STK39: variants seen among roughly 807,000 people sequenced by gnomAD.
The protein encoded by STK39 is STE20/SPS1-related proline-alanine-rich protein kinase.
In STK39, 20 loss-of-function variants were observed where a neutral mutation model predicts 77.8. The ratio of observed to expected loss-of-function variants is 0.26; its 90% CI spans 0.18 to 0.37. STK39 has a LOEUF of 0.37. STK39 is among the 10% of genes least tolerant of loss of function. The probability of loss-of-function intolerance (pLI) is 1.00; values close to 1 mark genes in which losing one functional copy is unlikely to be tolerated. For missense variants in STK39, 479 were observed against 656.5 expected (o/e 0.73, Z 2.95); for synonymous variants, 246 against 234.1 (o/e 1.05, Z -0.47).
chr2:168,098,006 CAT>C (rs1686719724), intron 10 of STK39, among the ~76,000 whole-genome samples: 1 of 152,312 alleles, frequency 6.6e-6, no homozygotes, highest in Non-Finnish European at 1.5e-5. Context: ...CTAGAAGCCT[CAT>C]AGCAAACGAA....
intron 14 of STK39, among the ~76,000 whole-genome samples, chr2:168,060,671 T>C (rs1484877868): frequency 6.6e-6 from 1 of 152,266 alleles, no homozygotes; most frequent in African/African-American, 2.4e-5. Flanking sequence ...AGTGTTTCTA[T>C]GTCATTAGAT....
chr2:167,992,725 G>A (rs1017831349), intron 16 of STK39, among the ~76,000 whole-genome samples: 1 of 152,140 alleles, frequency 6.6e-6, no homozygotes, highest in Admixed American at 6.6e-5. Context: ...ATGGTTTAAA[G>A]TCAAAGAAAA....
At chr2:168,110,953 A>C (rs1455014199) in intron 10 of STK39, among the ~76,000 whole-genome samples, 1 of 152,088 alleles carries the variant, frequency 6.6e-6, no homozygotes, top group African/African-American at 2.4e-5. Flanking sequence ...TCTTCCAATA[A>C]ATTTTATACT....
chr2:168,193,348 T>C (rs1689387030), intron 1 of STK39, among the ~76,000 whole-genome samples: 1 of 152,036 alleles, frequency 6.6e-6, no homozygotes, highest in Non-Finnish European at 1.5e-5. Context: ...CATGATGCCA[T>C]AGTCTGAAAT....
At chr2:168,197,293 A>G (rs1387461348) in intron 1 of STK39, among the ~76,000 whole-genome samples, 2 of 152,246 alleles carry the variant, frequency 1.3e-5, no homozygotes, top group African/African-American at 4.8e-5. Context: ...CTGAAACTAA[A>G]TATGTAATCG....
intron 10 of STK39, among the ~76,000 whole-genome samples, chr2:168,089,345 A>G (rs190778308): frequency 6.6e-6 from 1 of 152,358 alleles, no homozygotes; most frequent in Admixed American, 6.5e-5. Context: ...AGAAGTATCT[A>G]AAAATTAAAA....
chr2:168,196,912 A>C (rs1389923723), intron 1 of STK39, among the ~76,000 whole-genome samples: 2 of 152,168 alleles, frequency 1.3e-5, no homozygotes, highest in African/African-American at 4.8e-5. Context: ...GTCAGCTAAG[A>C]GGCAGGTGGA....
intron 1 of STK39, among the ~76,000 whole-genome samples, chr2:168,229,821 A>C (rs942702204): frequency 2.0e-5 from 3 of 152,214 alleles, no homozygotes; most frequent in African/African-American, 7.2e-5. Context: ...TCAAGGCTAA[A>C]AAAGGATCAG....
intron 14 of STK39, among the ~76,000 whole-genome samples, chr2:168,030,450 C>A (rs1188643061): frequency 6.6e-6 from 1 of 152,136 alleles, no homozygotes; most frequent in African/African-American, 2.4e-5. Context: ...CTTTAATTTT[C>A]CTATTCCTGT....
intron 2 of STK39, among the ~76,000 whole-genome samples, chr2:168,174,947 T>G (rs1214662182): frequency 6.6e-6 from 1 of 151,960 alleles, no homozygotes; most frequent in Non-Finnish European, 1.5e-5. Context: ...CCACTGCTGC[T>G]GTATTTGGGT....
chr2:167,986,171 T>G (rs1448613063), intron 16 of STK39, among the ~76,000 whole-genome samples: 1 of 152,224 alleles, frequency 6.6e-6, no homozygotes, highest in Non-Finnish European at 1.5e-5. Context: ...TCAGGAACAC[T>G]GACTGCCCTT....
rs1379152737 is a variant in STK39 at position 168,002,535 on chromosome 2, A to G, written c.1498+10099T>C. On this transcript the variant is annotated intron_variant, in intron 16 of 17. Transcript: ENST00000355999. ...CTGGGCTGGCAGAGGATTCAATCCT[A>G]TGAATGGACATCACAGCTTAAGCTT... Among the ~76,000 whole-genome samples the G allele has an allele frequency of 2.6e-5, 4 of 152,188 alleles. No individual in the cohort carries two copies. In the South Asian group the frequency reaches 6.2e-4, roughly 24 times the overall value.
chr2:168,139,891 G>T (rs6736753), intron 7 of STK39, among the ~76,000 whole-genome samples: 52,368 of 150,698 alleles, frequency 0.35, 9,474 homozygotes, highest in African/African-American at 0.44. Flanking sequence ...CACTTAAAAA[G>T]AAAGAAAAAA....
intron 1 of STK39, among the ~76,000 whole-genome samples, chr2:168,239,437 G>T (rs1001079005): frequency 4.6e-5 from 7 of 152,200 alleles, no homozygotes; most frequent in African/African-American, 1.4e-4. Context: ...CCAGGCCTCT[G>T]CCTGCCTACC....
At chr2:168,071,205 C>T (rs1050006920) in intron 12 of STK39, among the ~76,000 whole-genome samples, 3 of 152,164 alleles carry the variant, frequency 2.0e-5, no homozygotes, top group African/African-American at 7.2e-5. Context: ...CTTCTGATCC[C>T]TTGAATCACT....
chr2:168,069,209 C>T (rs969724422), intron 12 of STK39, among the ~76,000 whole-genome samples: 5 of 152,190 alleles, frequency 3.3e-5, no homozygotes, highest in Non-Finnish European at 7.3e-5. Context: ...AGCCACTGCG[C>T]CTGACCCACA....
intron 16 of STK39, among the ~76,000 whole-genome samples, chr2:167,995,352 C>A (rs1453780147): frequency 6.6e-6 from 1 of 152,144 alleles, no homozygotes; most frequent in Non-Finnish European, 1.5e-5. Context: ...TCGTGATGCA[C>A]CTGCCTCGGC....
At chr2:168,242,892 C>CA (rs56028340) in intron 1 of STK39, among the ~76,000 whole-genome samples, 75,370 of 132,846 alleles carry the variant, frequency 0.57, 23,216 homozygotes, top group Non-Finnish European at 0.73. Context: ...GACCCTTTAT[C>CA]AAAAAAAAAA....
intron 10 of STK39, among the ~76,000 whole-genome samples, chr2:168,081,399 G>C (rs1427188154): frequency 6.6e-6 from 1 of 152,150 alleles, no homozygotes; most frequent in African/African-American, 2.4e-5. Context: ...ATTTGGATGA[G>C]GCCTGTAGCC....
Sources: allele counts gnomAD v4.1 joint callset (sites outside exome capture counted in the v4.1 genomes callset), GRCh38; gene constraint gnomAD v4.1.1; transcripts MANE v1.5; gene names NCBI Gene and HGNC (gene_info 2026-07-23, HGNC 2026-07-21).